The following BCAS1 variants were observed in gnomAD, a reference collection of about 807,000 sequenced individuals.
The protein encoded by BCAS1 is breast carcinoma-amplified sequence 1.
Under a neutral mutation model 65.4 loss-of-function variants are expected in BCAS1, and 46 were observed. That is an observed-to-expected ratio of 0.70 (90% CI 0.55 to 0.90). The LOEUF is 0.90. Ranked by LOEUF, BCAS1 falls within the 40% of genes least tolerant of loss-of-function variation. BCAS1 has a pLI of 0.00. For missense variants in BCAS1, 793 were observed against 771.2 expected, an observed-to-expected ratio of 1.03 and a Z score of -0.33; for synonymous variants, 298 against 293.5, an observed-to-expected ratio of 1.02 and a Z score of -0.16.
At chr20:54,009,659 C>T (rs1409239285) in intron 4 of BCAS1, among the ~76,000 whole-genome samples, 2 of 151,962 alleles carry the variant, frequency 1.3e-5, no homozygotes, top group Admixed American at 1.3e-4. Context: ...AGAATTACAC[C>T]AATTCTACAT....
At chr20:54,032,970 GC>G (rs1200753782) in intron 3 of BCAS1, among the ~76,000 whole-genome samples, 1 of 150,920 alleles carries the variant, frequency 6.6e-6, no homozygotes, top group Non-Finnish European at 1.5e-5. Flanking sequence ...AAATCAAATG[GC>G]CCTGATAGAT....
intron 4 of BCAS1, among the ~76,000 whole-genome samples, chr20:54,012,721 T>C (rs1346054354): frequency 6.6e-6 from 1 of 152,212 alleles, no homozygotes; most frequent in East Asian, 1.9e-4. Context: ...AGTGCTAAGC[T>C]TGTTAAAAAG....
intron 3 of BCAS1, among the ~76,000 whole-genome samples, chr20:54,042,410 A>G (rs1428941498): frequency 1.3e-5 from 2 of 152,224 alleles, no homozygotes; most frequent in Non-Finnish European, 2.9e-5. Context: ...AAAAAAATAA[A>G]TAATCATATG....
chr20:54,018,675 A>C (rs941299134), intron 4 of BCAS1, among the ~76,000 whole-genome samples: 2 of 152,156 alleles, frequency 1.3e-5, no homozygotes, highest in Non-Finnish European at 2.9e-5. Flanking sequence ...TGGCTGCCTG[A>C]TTGACTCTCA....
At chr20:54,054,085 T>A (rs151323733) in intron 3 of BCAS1, among the ~76,000 whole-genome samples, 62 of 152,284 alleles carry the variant, frequency 4.1e-4, no homozygotes, top group African/African-American at 1.3e-3. Flanking sequence ...GCAGTGGAAC[T>A]CCCTTTTATA....
chr20:53,999,812 C>A (rs1384444004), intron 4 of BCAS1, among the ~76,000 whole-genome samples: 1 of 152,114 alleles, frequency 6.6e-6, no homozygotes, highest in African/African-American at 2.4e-5. Context: ...CTCACTGCAA[C>A]CTCTGTCTCC....
chr20:54,068,385 C>A (rs6068765), intron 1 of BCAS1: 56,119 of 154,264 alleles, frequency 0.36, 11,008 homozygotes, highest in Admixed American at 0.5. Context: ...ATGTGCCAGG[C>A]AGCACCAGGG....
intron 3 of BCAS1, among the ~76,000 whole-genome samples, chr20:54,053,582 A>C (rs544031763): frequency 6.6e-5 from 10 of 152,384 alleles, no homozygotes; most frequent in Admixed American, 2.0e-4. Context: ...TAGCAATGGC[A>C]GTCTTTATGT....
At chr20:53,961,050 G>A (rs116974078) in intron 10 of BCAS1, among the ~76,000 whole-genome samples, 3,295 of 152,266 alleles carry the variant, frequency 0.022, 38 homozygotes, top group Non-Finnish European at 0.024. Context: ...GTGTTGAGAT[G>A]GAATCTACTT....
intron 3 of BCAS1, among the ~76,000 whole-genome samples, chr20:54,051,192 C>T (rs889816181): frequency 6.6e-6 from 1 of 152,182 alleles, no homozygotes; most frequent in Non-Finnish European, 1.5e-5. Flanking sequence ...TTTGTGTGGC[C>T]TGACAGTGGT....
intron 12 of BCAS1, among the ~76,000 whole-genome samples, chr20:53,952,001 AG>A (rs1431443191): frequency 4.6e-5 from 7 of 152,232 alleles, no homozygotes; most frequent in Non-Finnish European, 8.8e-5. Context: ...GAAGGAAGGA[AG>A]GGAAGAAATT....
chr20:53,973,551 A>G (rs983886385), intron 9 of BCAS1, among the ~76,000 whole-genome samples: 4 of 152,212 alleles, frequency 2.6e-5, no homozygotes, highest in African/African-American at 9.7e-5. Context: ...GGTTCCTTAA[A>G]CAAGCAACTA....
intron 11 of BCAS1, 87 bp from the exon 12 acceptor site, chr20:53,953,782 T>C: frequency 6.9e-7 from 1 of 1,441,456 alleles, no homozygotes; most frequent in South Asian, 1.4e-5. Flanking sequence ...AACAGAGATG[T>C]TCAAATGTTG....
In BCAS1 at chr20:54,028,462, GC is replaced by G. The variant is rs2146098475; in HGVS notation, c.652del (p.Ala218GlnfsTer26). The stretch of plus-strand genomic sequence containing the variant: ...CTCATCCACCTTGTCTTGATGCTCT[GC>G]CCTCTTGGCTTCCTGTTGGCTGTCA... ...PGDSQQEAKR[A>X]EHQDKVDEVP... On this transcript the variant is annotated frameshift_variant, in exon 4 of 13. Transcript: ENST00000688948. LOFTEE classifies it high-confidence loss of function. The G allele has an allele frequency of 3.1e-6, 5 of 1,614,190 alleles. No homozygotes were observed. The East Asian group carries it at 1.1e-4, about 36-fold the overall frequency.
chr20:53,952,899 C>T (rs1352244803), intron 12 of BCAS1, among the ~76,000 whole-genome samples: 1 of 152,206 alleles, frequency 6.6e-6, no homozygotes, highest in Admixed American at 6.5e-5. Context: ...CTGTTCTTTG[C>T]TCACAACATA....
At chr20:54,031,838 A>G (rs1267088989) in intron 3 of BCAS1, among the ~76,000 whole-genome samples, 1 of 151,228 alleles carries the variant, frequency 6.6e-6, no homozygotes, top group East Asian at 1.9e-4. Context: ...ACAGCAATCA[A>G]GCCTACCAAA....
At chr20:54,027,649 T>C (rs1034946192) in intron 4 of BCAS1, among the ~76,000 whole-genome samples, 2 of 152,202 alleles carry the variant, frequency 1.3e-5, no homozygotes, top group Non-Finnish European at 2.9e-5. Flanking sequence ...AAGGAGTTCT[T>C]TTCCTGCCTT....
At chr20:54,048,999 A>G (rs2092162125) in intron 3 of BCAS1, among the ~76,000 whole-genome samples, 1 of 152,194 alleles carries the variant, frequency 6.6e-6, no homozygotes, top group Admixed American at 6.5e-5. Context: ...ACACTAGGAG[A>G]ACACATGTAT....
At position 53,969,303 on chromosome 20, in the gene BCAS1, G is replaced by A. The variant is rs557918321; in HGVS notation, c.1318-2230C>T. On this transcript the variant is annotated intron_variant, in intron 9 of 12. Coordinates refer to ENST00000688948, the MANE Select transcript of BCAS1 (RefSeq NM_001366298.2). The stretch of plus-strand genomic sequence containing the variant: ...GGTTGTTATTTGTGTTAATGTTAGA[G>A]CTATTTAGTCCATGAGCATGAATTA... Among the ~76,000 whole-genome samples the A allele has an allele frequency of 2.0e-5, 3 of 152,026 alleles. No individual in the cohort carries two copies. In the South Asian group the frequency reaches 6.2e-4, roughly 32 times the overall value.
Sources: allele counts gnomAD v4.1 joint callset (sites outside exome capture counted in the v4.1 genomes callset), GRCh38; gene constraint gnomAD v4.1.1; transcripts MANE v1.5; gene names NCBI Gene and HGNC (gene_info 2026-07-23, HGNC 2026-07-21).